The following AKAP13 variants were observed in gnomAD, a reference collection of about 807,000 sequenced individuals.
AKAP13 encodes the protein A-kinase anchoring protein 13.
Under a neutral mutation model 264.5 loss-of-function variants are expected in AKAP13, and 80 were observed. The observed-to-expected ratio is 0.30, with a 90% CI of 0.25 to 0.36. The LOEUF (loss-of-function observed/expected upper bound fraction) is 0.36, where lower values mean the gene tolerates loss of function less well. Ranked by LOEUF, AKAP13 falls within the 10% of genes least tolerant of loss-of-function variation. The pLI is 1.00. For synonymous variants in AKAP13, 1,380 were observed against 1,250.2 expected (o/e 1.10, Z -2.19); for missense variants, 3,712 against 3,435.2 (o/e 1.08, Z -2.01).
chr15:85,458,396 T>G (rs1596245345), intron 1 of AKAP13, among the ~76,000 whole-genome samples: 1 of 147,958 alleles, frequency 6.8e-6, no homozygotes, highest in Non-Finnish European at 1.5e-5. Flanking sequence ...GTTTTTTGTT[T>G]TTTTTTTTTT....
At chr15:85,626,652 C>T (rs1436441591) in intron 8 of AKAP13, among the ~76,000 whole-genome samples, 1 of 152,254 alleles carries the variant, frequency 6.6e-6, no homozygotes, top group Admixed American at 6.5e-5. Context: ...CATCAATTGA[C>T]ATTGGGCTGT....
chr15:85,619,545 CTTTGTT>C, intron 8 of AKAP13: 1 of 985,250 alleles, frequency 1.0e-6, no homozygotes. Context: ...TTTTCTTTGT[CTTTGTT>C]TTTGTTTTAA....
chr15:85,527,172 C>T (rs556518757), intron 3 of AKAP13, among the ~76,000 whole-genome samples: 2 of 152,082 alleles, frequency 1.3e-5, no homozygotes, highest in African/African-American at 4.8e-5. Flanking sequence ...ACCGTGTTAG[C>T]CAGGATGGTC....
At chr15:85,479,932 TG>T (rs1254100326) in intron 1 of AKAP13, among the ~76,000 whole-genome samples, 1 of 152,228 alleles carries the variant, frequency 6.6e-6, no homozygotes, top group African/African-American at 2.4e-5. Context: ...GTAAAGATTG[TG>T]GATGTCTTCA....
intron 2 of AKAP13, among the ~76,000 whole-genome samples, chr15:85,518,157 G>A (rs193132446): frequency 4.6e-5 from 7 of 152,096 alleles, no homozygotes; most frequent in Non-Finnish European, 1.0e-4. Flanking sequence ...TTAATACCAG[G>A]GTATTCTTTA....
rs910136102 is a variant in AKAP13 at position 85,727,839 on chromosome 15, A to T, written c.7087+376A>T. On this transcript the variant is annotated intron_variant, in intron 29 of 36. Transcript: ENST00000394518. The surrounding 1 kb of genome is among the most constrained non-coding windows in gnomAD (Gnocchi z 5.3). Reference sequence around the variant, plus strand: ...ATTTGGGGAAAAGAATTCTCCAGTTAATCTGATTTAATCCTCCCCCAGTCC... The same window carrying T: ...ATTTGGGGAAAAGAATTCTCCAGTTTATCTGATTTAATCCTCCCCCAGTCC... Among the ~76,000 whole-genome samples, 2 of 152,214 alleles carry T rather than the reference A, an allele frequency of 1.3e-5. No individual in the cohort carries two copies. Among genetic ancestry groups the T allele is most frequent in the African/African-American group, 4.8e-5 (2 of 41,454 alleles).
chr15:85,733,249 T>G (rs1411201829), intron 30 of AKAP13, among the ~76,000 whole-genome samples: 10 of 152,236 alleles, frequency 6.6e-5, no homozygotes, highest in African/African-American at 2.4e-4. Flanking sequence ...ATTGGCTTGT[T>G]CATATTTTCT....
chr15:85,442,516 ATATTATATTATATAT>A (rs2073731953), intron 1 of AKAP13, among the ~76,000 whole-genome samples: 1 of 111,068 alleles, frequency 9.0e-6, no homozygotes, highest in African/African-American at 3.3e-5. Context: ...TATATAATAT[ATATTATATTATATAT>A]AATATATATT....
intron 17 of AKAP13, among the ~76,000 whole-genome samples, chr15:85,706,241 T>C (rs338525): frequency 0.92 from 140,350 of 152,188 alleles, 64,750 homozygotes; most frequent in East Asian, 0.98. Flanking sequence ...CTGCAAGTCC[T>C]GGGCATCTCT....
At position 85,727,519 on chromosome 15, in the gene AKAP13, G is replaced by T; in HGVS notation, c.7087+56G>T. On this transcript the variant is annotated intron_variant, in intron 29 of 36. Transcript: ENST00000394518. The surrounding 1 kb of genome is among the most constrained non-coding windows in gnomAD (Gnocchi z 5.3). ...GTCTGGAATGTCTGCAGTTGCAGAA[G>T]ACTGCTGGTGGATTTTAGAGGTACG... 6 of 1,583,842 alleles carry T rather than the reference G, an allele frequency of 3.8e-6. No homozygotes were observed. The highest frequency in any genetic ancestry group is 1.1e-5 in the South Asian group (1 of 89,738).
At chr15:85,542,336 T>C (rs1016381551) in intron 4 of AKAP13, among the ~76,000 whole-genome samples, 3 of 152,204 alleles carry the variant, frequency 2.0e-5, no homozygotes, top group African/African-American at 4.8e-5. Flanking sequence ...AGGGAAAATA[T>C]ACAATATGAA....
chr15:85,741,714 A>C (rs1476747276), intron 35 of AKAP13, among the ~76,000 whole-genome samples: 1 of 82,940 alleles, frequency 1.2e-5, no homozygotes, highest in Non-Finnish European at 2.4e-5. Context: ...AAAAAAAAAA[A>C]AACAAACAAA....
intron 2 of AKAP13, among the ~76,000 whole-genome samples, chr15:85,519,485 A>T (rs577381653): frequency 1.3e-5 from 2 of 152,300 alleles, no homozygotes; most frequent in South Asian, 4.2e-4. Context: ...AGGATATTTC[A>T]GTACCTTGAG....
chr15:85,700,605 C>T (rs2085854747), intron 17 of AKAP13, among the ~76,000 whole-genome samples: 1 of 152,152 alleles, frequency 6.6e-6, no homozygotes, highest in East Asian at 1.9e-4. Context: ...ATGGATAGGG[C>T]GGTAGCTTTC....
chr15:85,485,251 A>G (rs2075497114), intron 1 of AKAP13, among the ~76,000 whole-genome samples: 1 of 152,162 alleles, frequency 6.6e-6, no homozygotes, highest in African/African-American at 2.4e-5. Context: ...CCCTTCTCAG[A>G]GAAGGGGAAT....
At chr15:85,432,707 G>A (rs2073075690) in intron 1 of AKAP13, among the ~76,000 whole-genome samples, 1 of 152,108 alleles carries the variant, frequency 6.6e-6, no homozygotes, top group Non-Finnish European at 1.5e-5. Context: ...TGAAAAAAAT[G>A]GTCCATGATC....
At chr15:85,657,710 CT>C (rs11332236) in intron 11 of AKAP13, among the ~76,000 whole-genome samples, 22,240 of 127,368 alleles carry the variant, frequency 0.17, 2,496 homozygotes, top group African/African-American at 0.33. Context: ...GTGGTGTACT[CT>C]TTTTTTTTTT....
At chr15:85,539,755 A>G (rs1391700993) in intron 4 of AKAP13, among the ~76,000 whole-genome samples, 1 of 152,222 alleles carries the variant, frequency 6.6e-6, no homozygotes, top group African/African-American at 2.4e-5. Flanking sequence ...CTCTGTGGGT[A>G]GAGGCTAAGC....
At chr15:85,561,679 G>C (rs1193746102) in intron 5 of AKAP13, among the ~76,000 whole-genome samples, 1 of 152,092 alleles carries the variant, frequency 6.6e-6, no homozygotes, top group Middle Eastern at 3.2e-3. Flanking sequence ...TCGAGATCTT[G>C]AAACCAGTAC....
Sources: allele counts gnomAD v4.1 joint callset (sites outside exome capture counted in the v4.1 genomes callset), GRCh38; gene constraint gnomAD v4.1.1; non-coding constraint Gnocchi (gnomAD v3.1); transcripts MANE v1.5; gene names NCBI Gene and HGNC (gene_info 2026-07-23, HGNC 2026-07-21).